The following FTO variants were observed in gnomAD, a reference collection of about 807,000 sequenced individuals.
FTO encodes the protein FTO alpha-ketoglutarate dependent dioxygenase.
Under a neutral mutation model 63.9 loss-of-function variants are expected in FTO, and 47 were observed. The ratio of observed to expected loss-of-function variants is 0.74; its 90% CI spans 0.58 to 0.94. The LOEUF is 0.94. Ranked by LOEUF, FTO falls within the 40% of genes least tolerant of loss-of-function variation. The pLI, the probability that FTO is intolerant of heterozygous loss-of-function variation, is 0.00. For synonymous variants in FTO, 207 were observed against 224.4 expected (o/e 0.92, Z 0.69); for missense variants, 562 against 618.1 (o/e 0.91, Z 0.96).
chr16:54,111,225 G>A (rs1396178844), intron 8 of FTO, among the ~76,000 whole-genome samples: 4 of 151,874 alleles, frequency 2.6e-5, no homozygotes, highest in Non-Finnish European at 4.4e-5. Flanking sequence ...CTTATAAATC[G>A]GTCTCTCCTT....
chr16:54,053,855 G>A (rs1391766331), intron 8 of FTO, among the ~76,000 whole-genome samples: 2 of 152,094 alleles, frequency 1.3e-5, no homozygotes, highest in Admixed American at 6.5e-5. Flanking sequence ...AAATAAACAA[G>A]GGCATTTTTG....
At chr16:54,079,292 A>T in intron 8 of FTO, among the ~76,000 whole-genome samples, 1 of 152,208 alleles carries the variant, frequency 6.6e-6, no homozygotes, top group Non-Finnish European at 1.5e-5. Context: ...CAAGCACAGG[A>T]TGGCCAAACC....
At chr16:53,831,935 G>T (rs2079156157) in intron 3 of FTO, among the ~76,000 whole-genome samples, 1 of 152,204 alleles carries the variant, frequency 6.6e-6, no homozygotes, top group South Asian at 2.1e-4. Flanking sequence ...AGAATACAAA[G>T]TAGTAGGTTT....
chr16:53,967,913 TG>T (rs1198060432), intron 8 of FTO, among the ~76,000 whole-genome samples: 2 of 152,212 alleles, frequency 1.3e-5, no homozygotes, highest in Non-Finnish European at 2.9e-5. Context: ...TGGAGTTGTG[TG>T]GTTTAAATAT....
chr16:53,867,510 T>C (rs2080355794), intron 4 of FTO, among the ~76,000 whole-genome samples: 1 of 151,908 alleles, frequency 6.6e-6, no homozygotes, highest in African/African-American at 2.4e-5. Flanking sequence ...TGTGTGTGTG[T>C]GTGTGTGTGT....
At chr16:54,015,973 C>A (rs1172848693) in intron 8 of FTO, among the ~76,000 whole-genome samples, 1 of 94,966 alleles carries the variant, frequency 1.1e-5, no homozygotes, top group African/African-American at 4.3e-5. Context: ...GCTGGCCTTA[C>A]CTAGCCTTAG....
At chr16:53,838,600 C>A (rs998029708) in intron 3 of FTO, among the ~76,000 whole-genome samples, 1 of 152,164 alleles carries the variant, frequency 6.6e-6, no homozygotes, top group African/African-American at 2.4e-5. Context: ...TGTGAACCAC[C>A]ACACCAAGCT....
intron 1 of FTO, among the ~76,000 whole-genome samples, chr16:53,760,205 GGTGTGTGTGTGTGTGTGTGTGTGT>G (rs1173270081): frequency 1.6e-5 from 2 of 125,598 alleles, no homozygotes; most frequent in South Asian, 5.7e-4. Context: ...CTTCAGCTTT[GGTGTGTGTGTGTGTGTGTGTGTGT>G]GTGTGTGTGT....
intron 8 of FTO, among the ~76,000 whole-genome samples, chr16:53,988,031 T>C (rs2083712903): frequency 6.6e-6 from 1 of 152,184 alleles, no homozygotes; most frequent in South Asian, 2.1e-4. Flanking sequence ...TTGGGAACCA[T>C]TGCCTCCCTT....
chr16:54,067,479 G>A (rs2085760938), intron 8 of FTO, among the ~76,000 whole-genome samples: 1 of 152,214 alleles, frequency 6.6e-6, no homozygotes, highest in African/African-American at 2.4e-5. Flanking sequence ...TTTACGCAGT[G>A]CATATAAAAT....
chr16:53,975,127 G>A (rs561533894), intron 8 of FTO, among the ~76,000 whole-genome samples: 35 of 151,640 alleles, frequency 2.3e-4, no homozygotes, highest in African/African-American at 8.2e-4. Flanking sequence ...GGTAATATTA[G>A]CATTCGACAA....
Position 54,092,954 on chromosome 16 carries a change from G to A in FTO, c.1365-18808G>A, listed in dbSNP as rs759794028. Among the ~76,000 whole-genome samples the A allele has an allele frequency of 2.6e-5, 4 of 152,156 alleles. No individual in the cohort carries two copies. In the South Asian group the frequency reaches 6.2e-4, roughly 24 times the overall value. On this transcript the variant is annotated intron_variant, in intron 8 of 8. Transcript: ENST00000471389. ...AAGCAGCATGCTCTATCCAAGAGGT[G>A]GCTTAAACTATTATCCTCCTTAGAG... is the stretch of plus-strand genomic sequence containing the variant.
intron 8 of FTO, among the ~76,000 whole-genome samples, chr16:53,948,453 C>CGT (rs2082699462): frequency 6.6e-6 from 1 of 152,302 alleles, no homozygotes; most frequent in Admixed American, 6.5e-5. Context: ...GCAAAACACA[C>CGT]GTGTGTGTGT....
intron 1 of FTO, among the ~76,000 whole-genome samples, chr16:53,733,350 C>T (rs536213964): frequency 4.6e-5 from 7 of 151,858 alleles, no homozygotes; most frequent in Non-Finnish European, 7.4e-5. Context: ...TGCAGTGAGC[C>T]GAGATCGCAC....
At chr16:53,860,939 A>G (rs1045285163) in intron 4 of FTO, among the ~76,000 whole-genome samples, 2 of 151,842 alleles carry the variant, frequency 1.3e-5, no homozygotes, top group Non-Finnish European at 2.9e-5. Flanking sequence ...GGTCATGGGT[A>G]TATTAATTAG....
intron 7 of FTO, among the ~76,000 whole-genome samples, chr16:53,912,051 G>A (rs2081723107): frequency 6.6e-6 from 1 of 152,208 alleles, no homozygotes; most frequent in South Asian, 2.1e-4. Flanking sequence ...GTTGCAAATT[G>A]CATGGAAGAA....
intron 4 of FTO, among the ~76,000 whole-genome samples, chr16:53,861,975 G>T (rs1451756544): frequency 1.3e-5 from 2 of 152,068 alleles, no homozygotes. Context: ...GTAGAGGCTG[G>T]GTGCAGTGGC....
chr16:53,927,984 A>G (rs1197961390), intron 7 of FTO, among the ~76,000 whole-genome samples: 1 of 152,186 alleles, frequency 6.6e-6, no homozygotes, highest in African/African-American at 2.4e-5. Context: ...GTAGATTGGC[A>G]GAGTTTAAGA....
At chr16:53,732,039 TTA>T (rs1326522322) in intron 1 of FTO, among the ~76,000 whole-genome samples, 115 of 73,690 alleles carry the variant, frequency 1.6e-3, no homozygotes, top group African/African-American at 5.5e-3. Flanking sequence ...CATTGTGGCC[TTA>T]TTTTTTTTTT....
Sources: allele counts gnomAD v4.1 joint callset (sites outside exome capture counted in the v4.1 genomes callset), GRCh38; gene constraint gnomAD v4.1.1; transcripts MANE v1.5; gene names NCBI Gene and HGNC (gene_info 2026-07-23, HGNC 2026-07-21).